The following DMD variants were observed in gnomAD, a reference collection of about 807,000 sequenced individuals.
The protein encoded by DMD is mutant dystrophin.
DMD carries 63 observed loss-of-function variants against 330.1 expected under a neutral mutation model. The ratio of observed to expected loss-of-function variants is 0.19; its 90% CI spans 0.16 to 0.24. The LOEUF (loss-of-function observed/expected upper bound fraction) is 0.24, where lower values mean the gene tolerates loss of function less well. Among genes scored for constraint, DMD ranks in the 10% least tolerant of loss-of-function variants. The pLI is 1.00. For missense variants in DMD, 3,344 were observed against 2,684.1 expected (o/e 1.25, Z -5.43); for synonymous variants, 1,223 against 959.8 (o/e 1.27, Z -5.07).
intron 26 of DMD, among the ~76,000 whole-genome samples, chrX:32,453,570 G>T (rs2098342546): frequency 9.1e-6 from 1 of 110,408 alleles, no homozygotes; most frequent in African/African-American, 3.3e-5. Flanking sequence ...TTTTTACCAT[G>T]TGGCCCTTTC....
intron 26 of DMD, among the ~76,000 whole-genome samples, 164 bp downstream of exon 26, chrX:32,454,498 T>C (rs1367514708): frequency 9.0e-6 from 1 of 111,051 alleles, no homozygotes; most frequent in African/African-American, 3.3e-5. Flanking sequence ...GTTGTTAAAA[T>C]GTATATTAAA....
In DMD at chrX:32,497,850, A is replaced by G. The variant is rs573055607; in HGVS notation, c.2380+3905T>C. On this transcript the variant is annotated intron_variant, in intron 19 of 78. Coordinates refer to ENST00000357033, the MANE Select transcript of DMD (RefSeq NM_004006.3). ...AAAGGCCTTGGTCATGAAAGGCATC[A>G]GTTTAAAGACTGTTCAAATTAAAAT... 2.1e-4 allele frequency among the ~76,000 whole-genome samples: 24 copies of G among 111,875 alleles called. No individual in the cohort carries two copies. The South Asian group carries it at 5.2e-3, about 24-fold the overall frequency.
At chrX:31,547,308 C>T (rs748624419) in intron 55 of DMD, among the ~76,000 whole-genome samples, 69 of 112,052 alleles carry the variant, frequency 6.2e-4, no homozygotes, top group African/African-American at 2.1e-3. Context: ...GCTAGCACCA[C>T]GCTAAGATTG....
chrX:33,152,536 AT>A (rs573960722), intron 1 of DMD, among the ~76,000 whole-genome samples: 13 of 104,846 alleles, frequency 1.2e-4, no homozygotes, highest in African/African-American at 1.7e-4. Context: ...GGAGTTTGTG[AT>A]TTTTTTTTTT....
chrX:31,406,563 T>TAAC (rs1267581130), intron 60 of DMD, among the ~76,000 whole-genome samples: 1 of 111,356 alleles, frequency 9.0e-6, no homozygotes, highest in Non-Finnish European at 1.9e-5. Flanking sequence ...ATAATAATAA[T>TAAC]AACAGTAAAG....
intron 51 of DMD, among the ~76,000 whole-genome samples, chrX:31,765,298 T>C (rs1398464518): frequency 1.8e-5 from 2 of 111,947 alleles, no homozygotes; most frequent in African/African-American, 6.5e-5. Context: ...AATACATATA[T>C]GATTGAAACC....
intron 19 of DMD, among the ~76,000 whole-genome samples, chrX:32,497,574 A>G (rs2043626748): frequency 8.9e-6 from 1 of 112,275 alleles, no homozygotes; most frequent in Non-Finnish European, 1.9e-5. Flanking sequence ...ATGTTTTCAA[A>G]TAAATGTTTT....
intron 43 of DMD, among the ~76,000 whole-genome samples, chrX:32,257,447 T>C (rs1490718523): frequency 9.0e-6 from 1 of 111,649 alleles, no homozygotes; most frequent in Non-Finnish European, 1.9e-5. Context: ...CAAAACAGAC[T>C]GGTACTGGTA....
intron 7 of DMD, among the ~76,000 whole-genome samples, chrX:32,781,634 C>G (rs1287227417): frequency 9.1e-6 from 1 of 109,887 alleles, no homozygotes; most frequent in Non-Finnish European, 1.9e-5. Flanking sequence ...GTGAATGTGT[C>G]AGCCTCTCTC....
chrX:33,091,220 T>A (rs61050076), intron 1 of DMD, among the ~76,000 whole-genome samples: 3,170 of 111,747 alleles, frequency 0.028, 107 homozygotes, highest in African/African-American at 0.098. Context: ...AGTTTAAACA[T>A]GATATTTCAA....
chrX:32,358,909 GT>G (rs2097819434), intron 37 of DMD, among the ~76,000 whole-genome samples: 1 of 111,633 alleles, frequency 9.0e-6, no homozygotes, highest in Non-Finnish European at 1.9e-5. Flanking sequence ...TTAAATGCAT[GT>G]TTTTACATAT....
At chrX:32,697,198 A>C (rs1485989817) in intron 9 of DMD, among the ~76,000 whole-genome samples, 1 of 111,671 alleles carries the variant, frequency 9.0e-6, no homozygotes, top group Non-Finnish European at 1.9e-5. Flanking sequence ...TTATAAGGCT[A>C]TTTCTTGTAT....
chrX:32,303,981 C>T (rs1250253818), intron 42 of DMD, among the ~76,000 whole-genome samples: 2 of 111,086 alleles, frequency 1.8e-5, no homozygotes, highest in African/African-American at 3.3e-5. Context: ...TTTGGTGGCT[C>T]TATGGTAAGG....
intron 9 of DMD, among the ~76,000 whole-genome samples, chrX:32,661,481 C>G (rs2060942783): frequency 9.0e-6 from 1 of 111,603 alleles, no homozygotes; most frequent in African/African-American, 3.2e-5. Context: ...GTATCTGTCT[C>G]ACGAAATCCT....
At chrX:31,585,473 A>G (rs1308208089) in intron 55 of DMD, among the ~76,000 whole-genome samples, 4 of 98,772 alleles carry the variant, frequency 4.0e-5, no homozygotes, top group African/African-American at 1.5e-4. Flanking sequence ...ACAATTTAAT[A>G]TTTGGCTTCT....
chrX:32,857,098 G>A (rs2081634871), intron 2 of DMD, among the ~76,000 whole-genome samples: 3 of 110,925 alleles, frequency 2.7e-5, no homozygotes, highest in Non-Finnish European at 5.7e-5. Context: ...AATTTGAAGT[G>A]GAATGTTTGT....
chrX:32,495,674 G>T (rs771202576), intron 19 of DMD, among the ~76,000 whole-genome samples: 2 of 111,586 alleles, frequency 1.8e-5, no homozygotes, highest in East Asian at 2.8e-4. Context: ...GGTTCAAAGC[G>T]TTATCCAAGT....
chrX:31,478,111 C>G lies in DMD; in HGVS notation c.8932G>C (p.Val2978Leu). 2 of 1,210,397 alleles carry G rather than the reference C, an allele frequency of 1.7e-6. No individual in the cohort carries two copies. Among genetic ancestry groups the G allele is most frequent in the Non-Finnish European group, 2.2e-6 (2 of 895,053 alleles). The change falls in exon 59 of 79, where the codon GTC (valine) becomes CTC (leucine). Residue 2978 changes from valine (V) to leucine (L), a missense_variant. Val to Leu is a conservative substitution (Grantham distance 32). Coordinates refer to ENST00000357033, the MANE Select transcript of DMD (RefSeq NM_004006.3). Reference sequence around the variant, plus strand: ...AGCAAAGAAGTAGACGGTACCTTGACTTTCTCGAGGTGATCTTGGAGAGAG... The same window carrying G: ...AGCAAAGAAGTAGACGGTACCTTGAGTTTCTCGAGGTGATCTTGGAGAGAG... ...IDSLQDHLEK[V>L]KALRGEIAPL...
At chrX:31,222,254 G>A (rs1317681759) in intron 64 of DMD, among the ~76,000 whole-genome samples, 1 of 108,098 alleles carries the variant, frequency 9.3e-6, no homozygotes, top group Non-Finnish European at 1.9e-5. Flanking sequence ...CGGGCATGGT[G>A]GGGCATGCCT....
Sources: gnomAD v4.1 joint callset for allele counts (sites outside exome capture counted in the v4.1 genomes callset) on GRCh38, gnomAD v4.1.1 for gene constraint, MANE v1.5 for transcripts, NCBI Gene and HGNC (gene_info 2026-07-23, HGNC 2026-07-21) for gene names.